The following STK32B variants were observed in gnomAD, a reference collection of about 807,000 sequenced individuals.
The protein encoded by STK32B is serine/threonine-protein kinase 32B.
STK32B carries 43 observed loss-of-function variants against 52.6 expected under a neutral mutation model. That is an observed-to-expected ratio of 0.82 (90% CI 0.64 to 1.05). The LOEUF is 1.05. Ranked by LOEUF, STK32B falls within the 50% of genes least tolerant of loss-of-function variation. The pLI is 0.00. For missense variants in STK32B, 621 were observed against 534.6 expected, an observed-to-expected ratio of 1.16 and a Z score of -1.59; for synonymous variants, 238 against 204.3, an observed-to-expected ratio of 1.17 and a Z score of -1.41.
At chr4:5,153,467 CTTT>C (rs199700770) in intron 2 of STK32B, among the ~76,000 whole-genome samples, 1 of 142,290 alleles carries the variant, frequency 7.0e-6, no homozygotes. Flanking sequence ...TTTTTCTTTC[CTTT>C]TTTTTTTTTA....
chr4:5,136,389 C>CTCTA (rs1319109433), intron 1 of STK32B, among the ~76,000 whole-genome samples: 2 of 151,606 alleles, frequency 1.3e-5, no homozygotes, highest in African/African-American at 4.8e-5. Flanking sequence ...CTTTGCAGCT[C>CTCTA]TAAGAGTCTG....
At chr4:5,157,517 A>G (rs759813902) in intron 2 of STK32B, among the ~76,000 whole-genome samples, 8 of 152,130 alleles carry the variant, frequency 5.3e-5, no homozygotes, top group Non-Finnish European at 1.2e-4. Flanking sequence ...GAGAAATTTG[A>G]GCTAAGACCC....
At chr4:5,275,989 T>C (rs950569535) in intron 3 of STK32B, among the ~76,000 whole-genome samples, 4 of 152,134 alleles carry the variant, frequency 2.6e-5, no homozygotes, top group Admixed American at 6.5e-5. Context: ...AGCCAGCCTA[T>C]ATTTTAAAAG....
At chr4:5,377,591 C>T (rs1735662949) in intron 4 of STK32B, among the ~76,000 whole-genome samples, 1 of 152,202 alleles carries the variant, frequency 6.6e-6, no homozygotes, top group East Asian at 1.9e-4. Flanking sequence ...CGACCCCAAT[C>T]TCATCTCAAA....
At chr4:5,336,857 C>G (rs185517890) in intron 4 of STK32B, among the ~76,000 whole-genome samples, 2 of 152,134 alleles carry the variant, frequency 1.3e-5, no homozygotes, top group South Asian at 2.1e-4. Flanking sequence ...ACGAAGGGCA[C>G]GGAGCAATGG....
At chr4:5,271,354 G>T (rs1727417444) in intron 3 of STK32B, among the ~76,000 whole-genome samples, 1 of 152,080 alleles carries the variant, frequency 6.6e-6, no homozygotes, top group African/African-American at 2.4e-5. Flanking sequence ...CTGAAAGAAG[G>T]CTTAAATAAA....
Position 5,412,973 on chromosome 4 carries a change from C to T in STK32B, c.473-3872C>T, listed in dbSNP as rs150014185. Among the ~76,000 whole-genome samples the T allele has an allele frequency of 1.7e-3, 252 of 152,230 alleles. 3 individuals carry two copies. Among genetic ancestry groups the T allele is most frequent in the Middle Eastern group, 0.01 (3 of 294 alleles). ...CTTCCCTTCCTGAGCTCCTTTCCTA[C>T]TCCTTCCCTTTTTCTCCCTGGCATC... On this transcript the variant is annotated intron_variant, in intron 5 of 11. Transcript: ENST00000282908.
At chr4:5,295,763 A>G (rs71630303) in intron 3 of STK32B, among the ~76,000 whole-genome samples, 3 of 151,656 alleles carry the variant, frequency 2.0e-5, no homozygotes, top group Middle Eastern at 3.4e-3. Context: ...TCATGTCTCT[A>G]TCTCCTTCAT....
At chr4:5,404,620 C>G (rs1429753300) in intron 5 of STK32B, among the ~76,000 whole-genome samples, 2 of 151,920 alleles carry the variant, frequency 1.3e-5, no homozygotes, top group African/African-American at 4.8e-5. Context: ...CATGGATATC[C>G]TCTTCCATAT....
At chr4:5,319,942 C>A (rs1258793069) in intron 3 of STK32B, among the ~76,000 whole-genome samples, 1 of 152,102 alleles carries the variant, frequency 6.6e-6, no homozygotes, top group Non-Finnish European at 1.5e-5. Flanking sequence ...TATGTGGATG[C>A]AACTTACTGA....
chr4:5,147,660 G>C (rs4530574), intron 2 of STK32B, among the ~76,000 whole-genome samples: 62,808 of 151,712 alleles, frequency 0.41, 14,183 homozygotes, highest in East Asian at 0.67. Flanking sequence ...AATACTTTTT[G>C]TGCATTGGTT....
At chr4:5,180,844 C>A (rs1007232207) in intron 3 of STK32B, among the ~76,000 whole-genome samples, 1 of 152,130 alleles carries the variant, frequency 6.6e-6, no homozygotes, top group South Asian at 2.1e-4. Flanking sequence ...CTCTAAAGAA[C>A]GAATGATTTG....
At chr4:5,109,477 G>T (rs1577073993) in intron 1 of STK32B, among the ~76,000 whole-genome samples, 1 of 152,140 alleles carries the variant, frequency 6.6e-6, no homozygotes, top group East Asian at 1.9e-4. Context: ...GAAAATGATA[G>T]GCATGTCCAC....
intron 3 of STK32B, among the ~76,000 whole-genome samples, chr4:5,268,538 G>GGTGTGTGTGTGTGTGT (rs10593272): frequency 7.1e-6 from 1 of 140,092 alleles, no homozygotes; most frequent in East Asian, 2.1e-4. Context: ...TGCTTGGTGT[G>GGTGTGTGTGTGTGTGT]GTGTGTGTGT....
At chr4:5,183,574 T>A (rs1720517839) in intron 3 of STK32B, among the ~76,000 whole-genome samples, 1 of 152,176 alleles carries the variant, frequency 6.6e-6, no homozygotes. Context: ...CTCCAATACT[T>A]GTACGAAGTG....
intron 4 of STK32B, among the ~76,000 whole-genome samples, chr4:5,369,824 A>C (rs566624167): frequency 6.6e-6 from 1 of 152,128 alleles, no homozygotes; most frequent in Non-Finnish European, 1.5e-5. Flanking sequence ...TTCCAGATAC[A>C]GGCTAAGAGT....
the STK32B span, among the ~76,000 whole-genome samples, chr4:5,037,081 G>C: frequency 6.6e-6 from 1 of 152,142 alleles, no homozygotes; most frequent in African/African-American, 2.4e-5. Context: ...TGACCCTATT[G>C]ACACTTTGGG....
At chr4:5,287,484 A>G (rs1728626982) in intron 3 of STK32B, among the ~76,000 whole-genome samples, 1 of 135,742 alleles carries the variant, frequency 7.4e-6, no homozygotes, top group African/African-American at 3.7e-5. Context: ...ATAATTCTAA[A>G]GTTTTTTTTA....
chr4:5,060,033 C>A (rs1433087071), intron 1 of STK32B, among the ~76,000 whole-genome samples: 1 of 152,172 alleles, frequency 6.6e-6, no homozygotes, highest in East Asian at 1.9e-4. Context: ...AAGGTGTGAT[C>A]TTGGCTCACC....
Sources: allele counts gnomAD v4.1 joint callset (sites outside exome capture counted in the v4.1 genomes callset), GRCh38; gene constraint gnomAD v4.1.1; transcripts MANE v1.5; gene names NCBI Gene and HGNC (gene_info 2026-07-23, HGNC 2026-07-21).